Variants in PPFIA1 observed in about 807,000 individuals in gnomAD.
PPFIA1 encodes the protein liprin-alpha-1.
In PPFIA1, 25 loss-of-function variants were observed where a neutral mutation model predicts 149.9. That is an observed-to-expected ratio of 0.17 (90% CI 0.12 to 0.23). The LOEUF (loss-of-function observed/expected upper bound fraction) is 0.23. Among genes scored for constraint, PPFIA1 ranks in the 10% least tolerant of loss-of-function variants. The pLI is 1.00. For synonymous variants in PPFIA1, 549 were observed against 552.8 expected, an observed-to-expected ratio of 0.99 and a Z score of 0.10; for missense variants, 1,362 against 1,506.5, an observed-to-expected ratio of 0.90 and a Z score of 1.59.
intron 21 of PPFIA1, among the ~76,000 whole-genome samples, chr11:70,366,248 T>C (rs1159935821): frequency 3.3e-5 from 5 of 152,234 alleles, no homozygotes; most frequent in Non-Finnish European, 5.9e-5. Context: ...TACAAAGTCT[T>C]GTGGCTTAGG....
chr11:70,291,178 G>A (rs145723423), intron 2 of PPFIA1, among the ~76,000 whole-genome samples: 18 of 152,224 alleles, frequency 1.2e-4, no homozygotes, highest in East Asian at 3.9e-4. Flanking sequence ...GAGCCACCAC[G>A]CCCAGCCGAT....
chr11:70,303,868 T>C (rs1182655990), intron 2 of PPFIA1, among the ~76,000 whole-genome samples: 40 of 152,104 alleles, frequency 2.6e-4, no homozygotes, highest in Non-Finnish European at 5.9e-5. Context: ...TAGCCAGGCG[T>C]GGTGGTGTGT....
intron 15 of PPFIA1, among the ~76,000 whole-genome samples, chr11:70,346,438 T>A (rs1565426998): frequency 1.3e-5 from 2 of 151,828 alleles, no homozygotes; most frequent in Non-Finnish European, 1.5e-5. Flanking sequence ...TTTTTTTTTT[T>A]ATTAAAAAGA....
At chr11:70,312,304 C>T (rs563731241) in intron 2 of PPFIA1, among the ~76,000 whole-genome samples, 1 of 151,824 alleles carries the variant, frequency 6.6e-6, no homozygotes, top group Admixed American at 6.6e-5. Context: ...GAGGCTCCCA[C>T]GTCAGCCCGC....
chr11:70,364,556 T>G (rs772843668), intron 21 of PPFIA1: 3 of 152,178 alleles, frequency 2.0e-5, no homozygotes, highest in Non-Finnish European at 4.4e-5. Context: ...AAAAAAAGTT[T>G]TGAGGGGTTT....
chr11:70,342,187 A>G (rs1268355069), intron 14 of PPFIA1: 1 of 152,442 alleles, frequency 6.6e-6, no homozygotes, highest in Non-Finnish European at 1.5e-5. Context: ...GGGACGAGCT[A>G]GTGGAACTTG....
intron 16 of PPFIA1, among the ~76,000 whole-genome samples, chr11:70,349,598 C>T (rs748399256): frequency 1.3e-4 from 20 of 152,128 alleles, no homozygotes; most frequent in South Asian, 2.1e-4. Flanking sequence ...CATCTATTTT[C>T]GTTTTTAGTT....
At chr11:70,380,943 A>C (rs988284066) in intron 26 of PPFIA1, 1 of 151,890 alleles carries the variant, frequency 6.6e-6, no homozygotes, top group Non-Finnish European at 1.5e-5. Flanking sequence ...CTGGGACCAC[A>C]GGTGTGGTCC....
intron 21 of PPFIA1, chr11:70,366,083 G>A (rs770374607): frequency 3.3e-5 from 13 of 397,000 alleles, no homozygotes; most frequent in South Asian, 5.7e-5. Flanking sequence ...TAGTTTATTC[G>A]GAGTACAGGA....
At chr11:70,382,884 G>A in intron 27 of PPFIA1, 119 bp from the exon 28 acceptor site, 1 of 310,072 alleles carries the variant, frequency 3.2e-6, no homozygotes, top group Non-Finnish European at 6.1e-6. Context: ...GAAAGTGAGG[G>A]GTCCTGGAGG....
At chr11:70,307,059 G>T (rs1181903356) in intron 2 of PPFIA1, among the ~76,000 whole-genome samples, 2 of 152,156 alleles carry the variant, frequency 1.3e-5, no homozygotes, top group Non-Finnish European at 2.9e-5. Context: ...ATGGAGAATG[G>T]ATCTGAAAAA....
chr11:70,304,467 C>T (rs2052709071), intron 2 of PPFIA1, among the ~76,000 whole-genome samples: 1 of 152,206 alleles, frequency 6.6e-6, no homozygotes, highest in African/African-American at 2.4e-5. Context: ...CATGCTCAGC[C>T]TGTGATATCC....
In PPFIA1 at chr11:70,282,597, C is replaced by T. The variant is rs1394596397; in HGVS notation, c.264+10161C>T. On this transcript the variant is annotated intron_variant, in intron 2 of 27. Transcript: ENST00000253925. ...AGGCTGGAGTGCAGTGGCGTGATCT[C>T]GGCTCACTGCAAGCTCCACCCCCTG... Among the ~76,000 whole-genome samples, 12 of 130,400 alleles carry T rather than the reference C, an allele frequency of 9.2e-5. 1 individual carries two copies. The highest frequency in any genetic ancestry group is 3.6e-4 in the Admixed American group (4 of 11,028). The allele number at this position is 130,400 out of a possible 152,430, so 85.5% of individuals were successfully genotyped here. A position where few individuals can be genotyped will look rare whatever the true frequency, so the allele number is the denominator to read the frequency against.
chr11:70,336,593 G>A (rs2054995897), intron 11 of PPFIA1, among the ~76,000 whole-genome samples: 1 of 152,022 alleles, frequency 6.6e-6, no homozygotes, highest in African/African-American at 2.4e-5. Flanking sequence ...TCAGTCAGCT[G>A]AAACCAAATA....
At chr11:70,335,954 A>G (rs2054949782) in intron 11 of PPFIA1, among the ~76,000 whole-genome samples, 1 of 152,210 alleles carries the variant, frequency 6.6e-6, no homozygotes, top group African/African-American at 2.4e-5. Flanking sequence ...AGTGGTTTTT[A>G]TAAAGGGCCA....
chr11:70,325,219 G>A (rs2054188056), intron 4 of PPFIA1: 4 of 491,560 alleles, frequency 8.1e-6, no homozygotes, highest in Non-Finnish European at 1.3e-5. Flanking sequence ...GTTACAAATT[G>A]GGTAGTATTA....
intron 2 of PPFIA1, among the ~76,000 whole-genome samples, chr11:70,282,843 T>TTC (rs1218016030): frequency 1.3e-4 from 18 of 140,714 alleles, no homozygotes; most frequent in African/African-American, 3.7e-4. Flanking sequence ...CTTTTTTTTT[T>TTC]TTTTTTTTTT....
rs1305453243 is a variant in PPFIA1, at chr11:70,354,324, A to G, written c.2187A>G (p.Val729=). 1.9e-6 allele frequency: 3 copies of G among 1,613,944 alleles called. No homozygotes were observed. Among genetic ancestry groups the G allele is most frequent in the East Asian group, 4.5e-5 (2 of 44,842 alleles). The change falls in exon 17 of 28, where the codon GTA becomes GTG. Residue 729 remains valine, a synonymous_variant. Coordinates refer to ENST00000253925, the MANE Select transcript of PPFIA1 (RefSeq NM_003626.5). ...AGTTGCCACCTTCCAGAGAAGAGGT[A>G]CGAGATGACAAGACAACCATAAAGT... ...MTLLPPSREE[V]RDDKTTIKCE...
At chr11:70,369,177 G>A (rs1049082828) in intron 21 of PPFIA1, among the ~76,000 whole-genome samples, 1 of 151,980 alleles carries the variant, frequency 6.6e-6, no homozygotes, top group East Asian at 1.9e-4. Flanking sequence ...TTACATTTCC[G>A]GAATGCTTGG....
Sources: gnomAD v4.1 joint callset for allele counts (sites outside exome capture counted in the v4.1 genomes callset) on GRCh38, gnomAD v4.1.1 for gene constraint, MANE v1.5 for transcripts, NCBI Gene and HGNC (gene_info 2026-07-23, HGNC 2026-07-21) for gene names.